The following DOCK1 variants were observed in gnomAD, a reference collection of about 807,000 sequenced individuals.
DOCK1 encodes dedicator of cytokinesis protein 1.
A neutral mutation model predicts 262.7 loss-of-function variants in DOCK1; 138 were observed. The observed-to-expected ratio is 0.53, with a 90% confidence interval of 0.46 to 0.61. The LOEUF is 0.61. DOCK1 is among the 20% of genes least tolerant of loss of function. The pLI is 0.00. For missense variants in DOCK1, 1,908 were observed against 2,370.7 expected (o/e 0.80, Z 4.05); for synonymous variants, 866 against 867.4 (o/e 1.00, Z 0.03).
chr10:127,202,200 G>A (rs899261014), intron 27 of DOCK1, among the ~76,000 whole-genome samples: 1 of 152,130 alleles, frequency 6.6e-6, no homozygotes, highest in African/African-American at 2.4e-5. Context: ...GCTCATGACT[G>A]TAATCCCAGC....
chr10:127,375,429 G>T (rs895942148), intron 35 of DOCK1, among the ~76,000 whole-genome samples: 2 of 152,168 alleles, frequency 1.3e-5, no homozygotes, highest in Non-Finnish European at 2.9e-5. Context: ...TTTCAGAGTC[G>T]CCAACAACAT....
chr10:127,145,841 C>T, intron 27 of DOCK1: 1 of 355,860 alleles, frequency 2.8e-6, no homozygotes, highest in East Asian at 8.6e-5. Flanking sequence ...TCTCATCACA[C>T]ACGGAAACCA....
At chr10:127,266,880 G>T (rs1037343554) in intron 29 of DOCK1, among the ~76,000 whole-genome samples, 1 of 152,156 alleles carries the variant, frequency 6.6e-6, no homozygotes, top group African/African-American at 2.4e-5. Flanking sequence ...AGAGTCCCCA[G>T]TTTGCAGGCA....
chr10:127,294,629 G>A (rs529370143), intron 29 of DOCK1, among the ~76,000 whole-genome samples: 1 of 146,644 alleles, frequency 6.8e-6, no homozygotes, highest in Admixed American at 6.8e-5. Flanking sequence ...GTCAAATGTA[G>A]TGTTTCATGT....
chr10:127,220,265 A>G (rs556336342), intron 27 of DOCK1, among the ~76,000 whole-genome samples: 93 of 150,498 alleles, frequency 6.2e-4, no homozygotes, highest in Non-Finnish European at 1.1e-3. Context: ...CTAAGTAGGG[A>G]AACTTGATGA....
At chr10:127,311,871 T>C (rs1018595296) in intron 29 of DOCK1, among the ~76,000 whole-genome samples, 3 of 152,074 alleles carry the variant, frequency 2.0e-5, no homozygotes, top group South Asian at 2.1e-4. Flanking sequence ...TTTTTTTATT[T>C]TTATTTTTTT....
intron 1 of DOCK1, among the ~76,000 whole-genome samples, chr10:126,936,034 G>A (rs1385830089): frequency 3.9e-5 from 6 of 152,348 alleles, no homozygotes; most frequent in East Asian, 1.9e-4. Flanking sequence ...AGGCTGGAGT[G>A]CAGTGGCACA....
At chr10:127,332,627 G>A (rs2766066) in intron 29 of DOCK1, among the ~76,000 whole-genome samples, 58,702 of 151,958 alleles carry the variant, frequency 0.39, 11,392 homozygotes, top group East Asian at 0.51. Flanking sequence ...TCTTCCCACC[G>A]TTTCCCAAAT....
chr10:127,279,251 T>A (rs1005350274), intron 29 of DOCK1, among the ~76,000 whole-genome samples: 8 of 152,216 alleles, frequency 5.3e-5, no homozygotes, highest in Non-Finnish European at 1.2e-4. Flanking sequence ...ATCAAAGCAT[T>A]TCATATTTAT....
intron 46 of DOCK1, among the ~76,000 whole-genome samples, chr10:127,424,446 G>A (rs1290164219): frequency 6.6e-6 from 1 of 152,202 alleles, no homozygotes; most frequent in African/African-American, 2.4e-5. Context: ...TGTAGTTTGA[G>A]AAAGGCCCGC....
intron 23 of DOCK1, among the ~76,000 whole-genome samples, chr10:127,080,188 A>G (rs778976196): frequency 3.3e-5 from 5 of 152,132 alleles, no homozygotes; most frequent in African/African-American, 4.8e-5. Context: ...GTACCACAGT[A>G]TGTATGAGTC....
At chr10:127,196,726 A>AGAGGAGGAGGAGGAAGAG (rs376664476) in intron 27 of DOCK1, among the ~76,000 whole-genome samples, 35 of 149,746 alleles carry the variant, frequency 2.3e-4, no homozygotes, top group African/African-American at 8.3e-4. Flanking sequence ...AGGAGGAGGA[A>AGAGGAGGAGGAGGAAGAG]GAGGAGGAGG....
intron 23 of DOCK1, among the ~76,000 whole-genome samples, chr10:127,067,591 C>A (rs2045954091): frequency 6.6e-6 from 1 of 152,018 alleles, no homozygotes; most frequent in Non-Finnish European, 1.5e-5. Flanking sequence ...AAGTTCTACA[C>A]TGATTCCCTG....
intron 2 of DOCK1, among the ~76,000 whole-genome samples, chr10:126,974,407 C>T (rs2038356330): frequency 6.6e-6 from 1 of 152,178 alleles, no homozygotes; most frequent in African/African-American, 2.4e-5. Flanking sequence ...CCGCCATTTT[C>T]CTGTGCTGGA....
intron 1 of DOCK1, among the ~76,000 whole-genome samples, chr10:126,921,196 T>G (rs936050316): frequency 1.7e-4 from 16 of 95,318 alleles, no homozygotes; most frequent in African/African-American, 6.4e-4. Context: ...TAAGACTCTA[T>G]CTCAAAAAAA....
chr10:127,221,603 AG>A (rs1247742432), intron 27 of DOCK1, among the ~76,000 whole-genome samples: 1 of 152,152 alleles, frequency 6.6e-6, no homozygotes, highest in Non-Finnish European at 1.5e-5. Context: ...CAATTGCTCC[AG>A]GGCTCATAAT....
At chr10:126,918,606 T>G (rs1438059342) in intron 1 of DOCK1, among the ~76,000 whole-genome samples, 1 of 152,178 alleles carries the variant, frequency 6.6e-6, no homozygotes, top group Non-Finnish European at 1.5e-5. Flanking sequence ...CAGCTCTGTA[T>G]GTTCTTCAGA....
intron 27 of DOCK1, among the ~76,000 whole-genome samples, chr10:127,153,462 T>A (rs1240736307): frequency 6.6e-6 from 1 of 152,168 alleles, no homozygotes; most frequent in African/African-American, 2.4e-5. Flanking sequence ...GCAGCCCAGG[T>A]CTTTCCATGG....
intron 29 of DOCK1, among the ~76,000 whole-genome samples, chr10:127,261,749 ATCTG>A (rs2060140470): frequency 1.3e-5 from 1 of 75,156 alleles, no homozygotes; most frequent in African/African-American, 5.9e-5. Flanking sequence ...ACCCGTGCTC[ATCTG>A]TGTGTGTGCA....
Sources: allele counts gnomAD v4.1 joint callset (sites outside exome capture counted in the v4.1 genomes callset), GRCh38; gene constraint gnomAD v4.1.1; transcripts MANE v1.5; gene names NCBI Gene and HGNC (gene_info 2026-07-23, HGNC 2026-07-21).